Variants in PTGER3 observed in about 807,000 individuals in gnomAD.
The protein encoded by PTGER3 is prostaglandin E receptor 3.
A neutral mutation model predicts 34.7 loss-of-function variants in PTGER3; 22 were observed. The ratio of observed to expected loss-of-function variants is 0.63; its 90% CI spans 0.45 to 0.91. The LOEUF is 0.91. PTGER3 is among the 40% of genes least tolerant of loss of function. The probability of loss-of-function intolerance (pLI) is 0.00; values close to 1 mark genes in which losing one functional copy is unlikely to be tolerated. For missense variants in PTGER3, 468 were observed against 519.4 expected, an observed-to-expected ratio of 0.90 and a Z score of 0.96; for synonymous variants, 241 against 230.1, an observed-to-expected ratio of 1.05 and a Z score of -0.43.
intron 3 of PTGER3, among the ~76,000 whole-genome samples, chr1:70,972,646 G>A (rs559348509): frequency 6.6e-6 from 1 of 152,124 alleles, no homozygotes; most frequent in Non-Finnish European, 1.5e-5. Context: ...ATATGGTTAA[G>A]TAAGCTACAG....
chr1:70,956,773 G>A (rs138227385), intron 2 of PTGER3, among the ~76,000 whole-genome samples: 1 of 152,134 alleles, frequency 6.6e-6, no homozygotes, highest in Non-Finnish European at 1.5e-5. Flanking sequence ...GGAAGCGGAA[G>A]TGGGCAGATC....
At chr1:70,933,026 T>G (rs1000137160) in intron 4 of PTGER3, among the ~76,000 whole-genome samples, 2 of 152,134 alleles carry the variant, frequency 1.3e-5, no homozygotes, top group Non-Finnish European at 2.9e-5. Flanking sequence ...TATTTTAATA[T>G]TATATCTATT....
At chr1:70,926,119 G>A (rs1648058140) in intron 4 of PTGER3, among the ~76,000 whole-genome samples, 1 of 152,160 alleles carries the variant, frequency 6.6e-6, no homozygotes, top group African/African-American at 2.4e-5. Context: ...TGTGAGAGAT[G>A]TTGAGCTTCT....
intron 4 of PTGER3, among the ~76,000 whole-genome samples, chr1:70,898,274 C>A (rs1646765047): frequency 6.6e-6 from 1 of 152,134 alleles, no homozygotes; most frequent in African/African-American, 2.4e-5. Context: ...CCATCTTGGT[C>A]TTCCTGTTTT....
chr1:70,989,104 T>TA (rs1339963663), intron 2 of PTGER3, among the ~76,000 whole-genome samples: 2 of 152,096 alleles, frequency 1.3e-5, no homozygotes, highest in Non-Finnish European at 2.9e-5. Flanking sequence ...TACTACTGTG[T>TA]AATAAAAATC....
chr1:70,917,486 C>G (rs1294458478), intron 4 of PTGER3, among the ~76,000 whole-genome samples: 1 of 146,798 alleles, frequency 6.8e-6, no homozygotes, highest in East Asian at 2.1e-4. Context: ...GATTCCATAT[C>G]TTGGCTATTG....
Position 71,046,677 on chromosome 1 carries a change from C to A in PTGER3, c.897+4G>T. ...TGACTTCCCCCAACCCTGGAACTAC[C>A]TACCAGGAGCGGAGACCAGCAGACC... On this transcript the variant is annotated splice_donor_region_variant and intron_variant, in intron 1 of 3. Transcript: ENST00000306666. The A allele has an allele frequency of 1.3e-6, 2 of 1,544,540 alleles. No homozygotes were observed. Among genetic ancestry groups the A allele is most frequent in the Non-Finnish European group, 1.7e-6 (2 of 1,147,226 alleles).
At chr1:71,021,710 C>T (rs2300171) in intron 1 of PTGER3, among the ~76,000 whole-genome samples, 2 of 151,294 alleles carry the variant, frequency 1.3e-5, no homozygotes, top group Non-Finnish European at 2.9e-5. Flanking sequence ...TCGGAGTGTT[C>T]GTGACAATTA....
At chr1:70,922,686 A>G (rs1647654150) in intron 4 of PTGER3, among the ~76,000 whole-genome samples, 1 of 152,238 alleles carries the variant, frequency 6.6e-6, no homozygotes, top group South Asian at 2.1e-4. Flanking sequence ...TACTAAAAAA[A>G]AACCAGTTCT....
chr1:70,937,422 T>C (rs1329077930), intron 4 of PTGER3, among the ~76,000 whole-genome samples: 1 of 152,122 alleles, frequency 6.6e-6, no homozygotes, highest in Non-Finnish European at 1.5e-5. Flanking sequence ...GATGTGCAGG[T>C]GGGAGGTCTG....
intron 4 of PTGER3, among the ~76,000 whole-genome samples, chr1:70,893,277 TAA>T (rs1646658336): frequency 6.6e-6 from 1 of 152,188 alleles, no homozygotes; most frequent in South Asian, 2.1e-4. Context: ...AGCTGATGCT[TAA>T]AGAGTCTGAG....
At chr1:70,995,546 ATAC>A (rs1440089942) in intron 2 of PTGER3, among the ~76,000 whole-genome samples, 3 of 152,192 alleles carry the variant, frequency 2.0e-5, no homozygotes, top group African/African-American at 7.2e-5. Context: ...TAGCGTCCAA[ATAC>A]TACACCTAGT....
chr1:71,029,150 T>C (rs572749878), intron 1 of PTGER3, among the ~76,000 whole-genome samples: 2 of 152,372 alleles, frequency 1.3e-5, no homozygotes, highest in South Asian at 4.1e-4. Context: ...ATTTATACCT[T>C]GATCTTCTTA....
intron 4 of PTGER3, among the ~76,000 whole-genome samples, chr1:70,928,095 G>A (rs1227475805): frequency 6.7e-6 from 1 of 148,418 alleles, no homozygotes; most frequent in Non-Finnish European, 1.5e-5. Context: ...AAACATTTCT[G>A]TTAACAATGA....
intron 4 of PTGER3, among the ~76,000 whole-genome samples, chr1:70,873,590 T>G (rs1277631177): frequency 6.6e-6 from 1 of 151,800 alleles, no homozygotes; most frequent in Non-Finnish European, 1.5e-5. Context: ...ATAGGTTTTT[T>G]GGGGGAACAG....
chr1:71,022,689 G>A (rs4549988), intron 1 of PTGER3, among the ~76,000 whole-genome samples: 51,221 of 150,710 alleles, frequency 0.34, 9,361 homozygotes, highest in South Asian at 0.46. Context: ...TCTAGTCAGT[G>A]CTCTCTCTCT....
chr1:70,925,718 T>C (rs892617962), intron 4 of PTGER3, among the ~76,000 whole-genome samples: 1 of 152,048 alleles, frequency 6.6e-6, no homozygotes, highest in African/African-American at 2.4e-5. Context: ...ATAAGGAAAG[T>C]ATAACAAATG....
chr1:70,887,524 TA>T (rs1251999103), intron 4 of PTGER3, among the ~76,000 whole-genome samples: 2 of 152,196 alleles, frequency 1.3e-5, no homozygotes, highest in Non-Finnish European at 2.9e-5. Context: ...TAGTTTTTGA[TA>T]TTTTTTTTAT....
intron 4 of PTGER3, among the ~76,000 whole-genome samples, chr1:70,856,778 A>G (rs1369332377): frequency 1.3e-5 from 2 of 152,194 alleles, no homozygotes; most frequent in African/African-American, 2.4e-5. Context: ...CAATGGTTAC[A>G]TCTTGTATTA....
Sources: gnomAD v4.1 joint callset for allele counts (sites outside exome capture counted in the v4.1 genomes callset) on GRCh38, gnomAD v4.1.1 for gene constraint, MANE v1.5 for transcripts, NCBI Gene and HGNC (gene_info 2026-07-23, HGNC 2026-07-21) for gene names.